AKAP6: variants seen among roughly 807,000 people sequenced by gnomAD.
The protein encoded by AKAP6 is A-kinase anchoring protein 6.
A neutral mutation model predicts 188.5 loss-of-function variants in AKAP6; 58 were observed. The observed-to-expected ratio is 0.31, with a 90% CI of 0.25 to 0.38. The LOEUF (loss-of-function observed/expected upper bound fraction) is 0.38. Ranked by LOEUF, AKAP6 falls within the 10% of genes least tolerant of loss-of-function variation. The pLI, the probability that AKAP6 is intolerant of heterozygous loss-of-function variation, is 1.00. For synonymous variants in AKAP6, 989 were observed against 998.6 expected (o/e 0.99, Z 0.18); for missense variants, 2,710 against 2,740.0 (o/e 0.99, Z 0.24).
intron 9 of AKAP6, among the ~76,000 whole-genome samples, chr14:32,728,788 T>C (rs1447769486): frequency 6.6e-6 from 1 of 152,198 alleles, no homozygotes; most frequent in African/African-American, 2.4e-5. Flanking sequence ...TGTGTGCTTT[T>C]AGAGCATTAT....
rs1167148314 is a variant in AKAP6, at chr14:32,796,698, G to GATACCATTCAGGACATAGCC, written c.3588+22828_3588+22847dup. 9.2e-5 allele frequency among the ~76,000 whole-genome samples: 14 copies of GATACCATTCAGGACATAGCC among 152,152 alleles called. No individual in the cohort carries two copies. In the East Asian group the frequency reaches 2.3e-3, roughly 25 times the overall value. On this transcript the variant is annotated intron_variant, in intron 12 of 13. Coordinates refer to ENST00000280979, the MANE Select transcript of AKAP6 (RefSeq NM_004274.5). ...AAAAACGCTAGGAGAAAATCTAGGCGATACCATTCAGGACATAGCCATACC... is the reference window on the plus strand; with the variant it reads ...AAAAACGCTAGGAGAAAATCTAGGCGATACCATTCAGGACATAGCCATACCATTCAGGACATAGCCATACC...
At chr14:32,341,552 A>G (rs560392785) in intron 1 of AKAP6, among the ~76,000 whole-genome samples, 1 of 152,316 alleles carries the variant, frequency 6.6e-6, no homozygotes, top group South Asian at 2.1e-4. Context: ...TCCTTGGTGA[A>G]AGATAGATTG....
At chr14:32,353,851 A>C (rs1347572186) in intron 1 of AKAP6, among the ~76,000 whole-genome samples, 2 of 152,152 alleles carry the variant, frequency 1.3e-5, no homozygotes, top group Non-Finnish European at 2.9e-5. Flanking sequence ...GTGAATTCCC[A>C]TTCACAATTG....
In AKAP6 at chr14:32,725,008, A is replaced by AAAAAAAAAAAAAC. The variant is rs2030785653; in HGVS notation, c.3001-7437_3001-7436insAAACAAAAAAAAA. The stretch of plus-strand genomic sequence containing the variant: ...TTCAACCTAAAAAAAAAAAAAAAAA[A>AAAAAAAAAAAAAC]AAAAAAAAACAATTTTCCTGAATAG... On this transcript the variant is annotated intron_variant, in intron 9 of 13. Coordinates refer to ENST00000280979, the MANE Select transcript of AKAP6 (RefSeq NM_004274.5). Among the ~76,000 whole-genome samples the AAAAAAAAAAAAAC allele has an allele frequency of 2.0e-5, 3 of 149,934 alleles. No individual in the cohort carries two copies. In the South Asian group the frequency reaches 6.4e-4, roughly 32 times the overall value.
rs149445017 is a variant in AKAP6 at position 32,550,221 on chromosome 14, A to G, written c.2346+3222A>G. Among the ~76,000 whole-genome samples the G allele has an allele frequency of 4.5e-3, 681 of 152,324 alleles. 6 individuals are homozygous for G. Among genetic ancestry groups the G allele is most frequent in the African/African-American group, 0.016 (649 of 41,564 alleles). The stretch of plus-strand genomic sequence containing the variant: ...ATGCAGCTAGGTTTTCAGCATCTGG[A>G]GACTGGTGTGTCTTTAATAGAAGGA... On this transcript the variant is annotated intron_variant, in intron 4 of 13. Coordinates refer to ENST00000280979, the MANE Select transcript of AKAP6 (RefSeq NM_004274.5).
At chr14:32,437,277 T>G (rs187875037) in intron 2 of AKAP6, among the ~76,000 whole-genome samples, 17 of 152,106 alleles carry the variant, frequency 1.1e-4, no homozygotes, top group African/African-American at 3.4e-4. Flanking sequence ...GGATTGGCAG[T>G]GAGGAAGTAG....
At chr14:32,828,531 A>T (rs3936818) in intron 13 of AKAP6, among the ~76,000 whole-genome samples, 19 of 43,078 alleles carry the variant, frequency 4.4e-4, no homozygotes, top group East Asian at 1.4e-3. Flanking sequence ...TCTCTCTCTC[A>T]CACACACACA....
chr14:32,800,707 G>A (rs553342110), intron 12 of AKAP6, among the ~76,000 whole-genome samples: 6 of 152,148 alleles, frequency 3.9e-5, no homozygotes, highest in Admixed American at 2.6e-4. Context: ...ACATAGCAGA[G>A]TCTTTGTATT....
chr14:32,767,184 T>A (rs1301891131), intron 11 of AKAP6, among the ~76,000 whole-genome samples: 4 of 152,184 alleles, frequency 2.6e-5, no homozygotes, highest in African/African-American at 9.6e-5. Context: ...ATGGCATAAA[T>A]TAGTCTTGAT....
chr14:32,530,664 C>T (rs1029772479), intron 2 of AKAP6, among the ~76,000 whole-genome samples: 9 of 152,162 alleles, frequency 5.9e-5, no homozygotes, highest in African/African-American at 2.4e-5. Flanking sequence ...AGAAGTCACA[C>T]TCAAGAGTTA....
intron 7 of AKAP6, among the ~76,000 whole-genome samples, chr14:32,660,648 T>A (rs7159987): frequency 0.016 from 2,494 of 152,058 alleles, 68 homozygotes; most frequent in African/African-American, 0.056. Flanking sequence ...TTTAAAGGAG[T>A]TTGTGAGGCC....
At chr14:32,409,691 G>T (rs896058309) in intron 1 of AKAP6, among the ~76,000 whole-genome samples, 1 of 152,142 alleles carries the variant, frequency 6.6e-6, no homozygotes, top group Non-Finnish European at 1.5e-5. Flanking sequence ...TAATAACAAA[G>T]ATTTTCTTCC....
chr14:32,345,292 C>T (rs1291377872), intron 1 of AKAP6, among the ~76,000 whole-genome samples: 2 of 152,122 alleles, frequency 1.3e-5, no homozygotes, highest in African/African-American at 2.4e-5. Flanking sequence ...TCACATTTTT[C>T]CCACAGGTAT....
intron 7 of AKAP6, among the ~76,000 whole-genome samples, chr14:32,601,296 A>G (rs1885919774): frequency 6.6e-6 from 1 of 152,204 alleles, no homozygotes. Context: ...TGTAGTGGGA[A>G]GAAGGTCATA....
At chr14:32,339,030 G>T (rs72666126) in intron 1 of AKAP6, among the ~76,000 whole-genome samples, 8,923 of 152,100 alleles carry the variant, frequency 0.059, 383 homozygotes, top group South Asian at 0.12. Flanking sequence ...TTAATTTCCT[G>T]TCTCTGCTTA....
intron 12 of AKAP6, among the ~76,000 whole-genome samples, chr14:32,820,605 AACAG>A (rs2034494942): frequency 6.6e-6 from 1 of 152,122 alleles, no homozygotes; most frequent in African/African-American, 2.4e-5. Context: ...GGGAAGGACT[AACAG>A]TAAGTAGTGA....
At chr14:32,453,075 A>T (rs758710193) in intron 2 of AKAP6, among the ~76,000 whole-genome samples, 12 of 152,240 alleles carry the variant, frequency 7.9e-5, no homozygotes, top group Non-Finnish European at 1.8e-4. Flanking sequence ...CATGGGAAAG[A>T]GAATCCTAGC....
chr14:32,334,430 C>T (rs556474279), intron 1 of AKAP6, among the ~76,000 whole-genome samples: 2 of 152,210 alleles, frequency 1.3e-5, no homozygotes, highest in East Asian at 1.9e-4. Flanking sequence ...TCAACTATCT[C>T]GCTATCATAA....
At chr14:32,393,307 A>C (rs1255718574) in intron 1 of AKAP6, among the ~76,000 whole-genome samples, 1 of 152,196 alleles carries the variant, frequency 6.6e-6, no homozygotes, top group Non-Finnish European at 1.5e-5. Context: ...AATCATGAGC[A>C]AAGATCAAAC....
Sources: allele counts gnomAD v4.1 joint callset (sites outside exome capture counted in the v4.1 genomes callset), GRCh38; gene constraint gnomAD v4.1.1; transcripts MANE v1.5; gene names NCBI Gene and HGNC (gene_info 2026-07-23, HGNC 2026-07-21).